CSMD1: variants seen among roughly 807,000 people sequenced by gnomAD.
CSMD1 encodes the protein CUB and Sushi multiple domains 1.
A neutral mutation model predicts 417.5 loss-of-function variants in CSMD1; 213 were observed. The ratio of observed to expected loss-of-function variants is 0.51; its 90% CI spans 0.46 to 0.57. The LOEUF (loss-of-function observed/expected upper bound fraction) is 0.57, where lower values mean the gene tolerates loss of function less well. Among genes scored for constraint, CSMD1 ranks in the 20% least tolerant of loss-of-function variants. The pLI is 0.00. For missense variants in CSMD1, 6,923 were observed against 4,529.7 expected (o/e 1.53, Z -15.17); for synonymous variants, 2,862 against 1,736.8 (o/e 1.65, Z -16.11).
chr8:2,955,715 C>G lies in CSMD1; in HGVS notation c.9868G>C (p.Asp3290His). 1 of 1,613,834 alleles carries G rather than the reference C, an allele frequency of 6.2e-7. No homozygotes were observed. Among genetic ancestry groups the G allele is most frequent in the Non-Finnish European group, 8.5e-7 (1 of 1,179,794 alleles). The change falls in exon 64 of 70, where the codon GAT becomes CAT. Residue 3290 changes from aspartate to histidine, a missense_variant. Coordinates refer to ENST00000635120, the MANE Select transcript of CSMD1 (RefSeq NM_033225.6). The stretch of plus-strand genomic sequence containing the variant: ...AAGGTGTAGCCGAAAGTAGGAAGAT[C>G]GATGGCTCTCACATCCGCGTGTGCC... ...TPAHADVRAIDLPTFGYTLVY... is the reference protein window; with the variant it reads ...TPAHADVRAIHLPTFGYTLVY...
chr8:4,900,375 G>T (rs1023343787), intron 1 of CSMD1, among the ~76,000 whole-genome samples: 1 of 152,114 alleles, frequency 6.6e-6, no homozygotes, highest in South Asian at 2.1e-4. Context: ...AGCAACCCTT[G>T]ACGAACCTCC....
At chr8:4,663,015 T>A (rs528952010) in intron 1 of CSMD1, among the ~76,000 whole-genome samples, 1 of 152,346 alleles carries the variant, frequency 6.6e-6, no homozygotes, top group Admixed American at 6.5e-5. Flanking sequence ...TTGTTTTGAT[T>A]TCCCTGAAAA....
intron 1 of CSMD1, among the ~76,000 whole-genome samples, chr8:4,815,320 C>T (rs886733371): frequency 6.6e-5 from 10 of 152,068 alleles, no homozygotes; most frequent in African/African-American, 2.2e-4. Context: ...CTGAGTTAGG[C>T]AAAAGGTATG....
intron 3 of CSMD1, among the ~76,000 whole-genome samples, chr8:4,360,317 G>A (rs1801677863): frequency 6.6e-6 from 1 of 152,094 alleles, no homozygotes; most frequent in African/African-American, 2.4e-5. Context: ...CAGCTCCATG[G>A]GAAGTGCAAA....
At chr8:3,392,478 C>T (rs983720287) in intron 17 of CSMD1, among the ~76,000 whole-genome samples, 8 of 152,004 alleles carry the variant, frequency 5.3e-5, no homozygotes, top group Non-Finnish European at 1.5e-5. Context: ...CGCTTTGCCA[C>T]TTTTTCTCTG....
chr8:4,956,480 C>T (rs1047929331), intron 1 of CSMD1, among the ~76,000 whole-genome samples: 1 of 147,640 alleles, frequency 6.8e-6, no homozygotes, highest in Non-Finnish European at 1.5e-5. Context: ...TTATAAAATG[C>T]ATATGTGTAT....
intron 2 of CSMD1, among the ~76,000 whole-genome samples, chr8:4,633,903 C>A (rs2130850341): frequency 6.6e-6 from 1 of 151,682 alleles, no homozygotes; most frequent in Non-Finnish European, 1.5e-5. Context: ...TTGGTGACTG[C>A]ATGGTTGGAC....
chr8:4,568,443 A>T (rs747767789), intron 2 of CSMD1, among the ~76,000 whole-genome samples: 2 of 152,162 alleles, frequency 1.3e-5, no homozygotes, highest in Non-Finnish European at 2.9e-5. Context: ...TGCAAATGAC[A>T]TGAACTCATT....
chr8:3,483,316 A>G (rs1817848628), intron 11 of CSMD1, among the ~76,000 whole-genome samples: 1 of 152,118 alleles, frequency 6.6e-6, no homozygotes, highest in Non-Finnish European at 1.5e-5. Flanking sequence ...CTACAGATTC[A>G]TCAGCCATCA....
intron 5 of CSMD1, among the ~76,000 whole-genome samples, chr8:3,792,699 T>A (rs928655294): frequency 3.3e-5 from 5 of 152,170 alleles, no homozygotes; most frequent in Non-Finnish European, 7.3e-5. Flanking sequence ...TTTTCTAAAA[T>A]TGACACAGTC....
intron 5 of CSMD1, among the ~76,000 whole-genome samples, chr8:3,960,925 T>A (rs1408911548): frequency 6.6e-6 from 1 of 152,022 alleles, no homozygotes; most frequent in African/African-American, 2.4e-5. Context: ...AGATTATTCC[T>A]CTGGAATAAA....
intron 5 of CSMD1, among the ~76,000 whole-genome samples, chr8:3,854,597 A>G (rs917587570): frequency 2.6e-5 from 4 of 152,122 alleles, no homozygotes; most frequent in Admixed American, 1.3e-4. Context: ...CCCTCACCCA[A>G]GGAGATTCCT....
chr8:4,314,081 G>A (rs897950088), intron 3 of CSMD1, among the ~76,000 whole-genome samples: 3 of 151,762 alleles, frequency 2.0e-5, no homozygotes, highest in Non-Finnish European at 2.9e-5. Flanking sequence ...TTCTTTCTGT[G>A]TCCTGGAGAT....
chr8:4,205,146 A>C (rs916929911), intron 3 of CSMD1, among the ~76,000 whole-genome samples: 1 of 152,168 alleles, frequency 6.6e-6, no homozygotes, highest in Non-Finnish European at 1.5e-5. Flanking sequence ...CTGTTGAATG[A>C]AATTGTTCTT....
rs201105711 is a variant in CSMD1, at chr8:4,093,965, AATAGATAGATAGATAG to A, written c.416-61882_416-61867del. ...AAAGAGTGACTGAGACTACATCTCA[AATAGATAGATAGATAG>A]ATAGATAGATAGATAGATAGATAGA... On this transcript the variant is annotated intron_variant, in intron 3 of 69. Transcript: ENST00000635120. 3.7e-4 allele frequency among the ~76,000 whole-genome samples: 51 copies of A among 136,948 alleles called. 1 individual carries two copies. Among genetic ancestry groups the A allele is most frequent in the African/African-American group, 6.1e-4 (23 of 37,472 alleles). 89.8% of individuals were successfully genotyped at this position (136,948 alleles called of 152,430 possible). A position where few individuals can be genotyped will look rare whatever the true frequency, so the allele number is the denominator to read the frequency against.
At chr8:4,028,661 A>G (rs910037529) in intron 4 of CSMD1, among the ~76,000 whole-genome samples, 1 of 152,204 alleles carries the variant, frequency 6.6e-6, no homozygotes, top group East Asian at 1.9e-4. Context: ...TGTTTGGGTC[A>G]TAACATTTAC....
intron 8 of CSMD1, among the ~76,000 whole-genome samples, chr8:3,615,803 A>T: frequency 6.6e-6 from 1 of 152,208 alleles, no homozygotes; most frequent in Non-Finnish European, 1.5e-5. Context: ...GGAAAAACAC[A>T]TATCTTGTTT....
At chr8:3,643,049 G>C (rs540681568) in intron 7 of CSMD1, among the ~76,000 whole-genome samples, 3 of 152,102 alleles carry the variant, frequency 2.0e-5, no homozygotes, top group Non-Finnish European at 4.4e-5. Context: ...AAAAAATCCT[G>C]TGCATGTGAG....
chr8:4,661,664 T>A (rs1045809588), intron 1 of CSMD1, among the ~76,000 whole-genome samples: 7 of 152,182 alleles, frequency 4.6e-5, no homozygotes, highest in African/African-American at 1.4e-4. Context: ...AAGATATCTC[T>A]CCGTATTATT....
Sources: gnomAD v4.1 joint callset for allele counts (sites outside exome capture counted in the v4.1 genomes callset) on GRCh38, gnomAD v4.1.1 for gene constraint, MANE v1.5 for transcripts, NCBI Gene and HGNC (gene_info 2026-07-23, HGNC 2026-07-21) for gene names.